Variants in OPCML observed in about 807,000 individuals in gnomAD.
OPCML encodes the protein opioid binding protein/cell adhesion molecule like, also known as opioid-binding protein/cell adhesion molecule.
A neutral mutation model predicts 37.8 loss-of-function variants in OPCML; 13 were observed. That is an observed-to-expected ratio of 0.34 (90% CI 0.22 to 0.55). The LOEUF (loss-of-function observed/expected upper bound fraction) is 0.55. Among genes scored for constraint, OPCML ranks in the 20% least tolerant of loss-of-function variants. The pLI, the probability that OPCML is intolerant of heterozygous loss-of-function variation, is 0.91. For missense variants in OPCML, 341 were observed against 435.6 expected, an observed-to-expected ratio of 0.78 and a Z score of 1.93; for synonymous variants, 176 against 168.8, an observed-to-expected ratio of 1.04 and a Z score of -0.33.
At chr11:132,789,931 TG>T (rs1937783188) in intron 2 of OPCML, among the ~76,000 whole-genome samples, 1 of 152,198 alleles carries the variant, frequency 6.6e-6, no homozygotes, top group South Asian at 2.1e-4. Context: ...AGCTGTATCC[TG>T]GACATTATTT....
At chr11:132,441,544 A>G (rs2096035598) in intron 4 of OPCML, among the ~76,000 whole-genome samples, 1 of 152,174 alleles carries the variant, frequency 6.6e-6, no homozygotes. Context: ...TCTGCTCAAC[A>G]GTTTTGCTTT....
intron 4 of OPCML, among the ~76,000 whole-genome samples, chr11:132,451,836 A>G (rs1051547918): frequency 1.3e-5 from 2 of 152,190 alleles, no homozygotes; most frequent in Non-Finnish European, 2.9e-5. Flanking sequence ...GCAGTTCCTT[A>G]TGGGTCTCAG....
At chr11:132,613,473 C>T (rs976456341) in intron 3 of OPCML, among the ~76,000 whole-genome samples, 1 of 152,178 alleles carries the variant, frequency 6.6e-6, no homozygotes, top group African/African-American at 2.4e-5. Context: ...TTTTATATAC[C>T]TAAGCATTCA....
chr11:132,547,500 C>A (rs1164224159), intron 3 of OPCML, among the ~76,000 whole-genome samples: 1 of 151,974 alleles, frequency 6.6e-6, no homozygotes, highest in South Asian at 2.1e-4. Flanking sequence ...GAGGCAGAGT[C>A]TGGAAAAGTG....
chr11:133,054,774 C>G (rs1591956191), intron 1 of OPCML, among the ~76,000 whole-genome samples: 1 of 152,328 alleles, frequency 6.6e-6, no homozygotes, highest in East Asian at 1.9e-4. Flanking sequence ...GTGGCGAGAT[C>G]CTGTGAAGGA....
chr11:133,186,352 TGC>T (rs1393581334), intron 1 of OPCML, among the ~76,000 whole-genome samples: 1 of 152,192 alleles, frequency 6.6e-6, no homozygotes, highest in Admixed American at 6.5e-5. Context: ...CAGTCTGAGA[TGC>T]TTATTGATTT....
At chr11:133,243,866 T>A (rs975704982) in intron 1 of OPCML, among the ~76,000 whole-genome samples, 2 of 152,230 alleles carry the variant, frequency 1.3e-5, no homozygotes, top group African/African-American at 4.8e-5. Flanking sequence ...GGGGACCTCT[T>A]GGAGCCAGGG....
chr11:133,321,639 G>A (rs557772004), intron 1 of OPCML, among the ~76,000 whole-genome samples: 1 of 152,230 alleles, frequency 6.6e-6, no homozygotes, highest in South Asian at 2.1e-4. Context: ...CATAAAATCA[G>A]GCTTTTCAAT....
chr11:132,799,757 CA>C (rs1938537223), intron 2 of OPCML, among the ~76,000 whole-genome samples: 1 of 151,754 alleles, frequency 6.6e-6, no homozygotes, highest in African/African-American at 2.4e-5. Context: ...GTGATATCTG[CA>C]AAGCTCAGTA....
chr11:133,227,083 G>C (rs1231725809), intron 1 of OPCML, among the ~76,000 whole-genome samples: 3 of 152,186 alleles, frequency 2.0e-5, no homozygotes, highest in African/African-American at 7.2e-5. Flanking sequence ...TCGTGTTAGG[G>C]GGGGGTGCTG....
At chr11:132,546,007 T>C (rs1010992043) in intron 3 of OPCML, among the ~76,000 whole-genome samples, 3 of 152,256 alleles carry the variant, frequency 2.0e-5, no homozygotes, top group Admixed American at 6.5e-5. Flanking sequence ...CTTACCATTG[T>C]TCCAATCCAC....
chr11:133,220,995 T>C (rs963583259), intron 1 of OPCML, among the ~76,000 whole-genome samples: 1 of 152,160 alleles, frequency 6.6e-6, no homozygotes, highest in African/African-American at 2.4e-5. Flanking sequence ...GAAATGAAAA[T>C]CTAAAATAAT....
intron 2 of OPCML, among the ~76,000 whole-genome samples, chr11:132,838,322 G>A (rs1277658062): frequency 6.6e-6 from 1 of 152,184 alleles, no homozygotes; most frequent in African/African-American, 2.4e-5. Flanking sequence ...AGTATATTCT[G>A]CGAAGAAAAT....
At chr11:132,988,311 C>T (rs1205070683) in intron 1 of OPCML, among the ~76,000 whole-genome samples, 1 of 152,194 alleles carries the variant, frequency 6.6e-6, no homozygotes, top group Non-Finnish European at 1.5e-5. Context: ...TGCTAATTTA[C>T]TCCATCATTT....
intron 2 of OPCML, among the ~76,000 whole-genome samples, chr11:132,796,917 A>G (rs966353109): frequency 3.3e-5 from 5 of 152,078 alleles, no homozygotes; most frequent in Non-Finnish European, 5.9e-5. Context: ...ACATCTTTGG[A>G]CAAATATCTA....
chr11:133,155,111 T>TGGAGGA lies in OPCML; in HGVS notation c.62-212107_62-212102dup, dbSNP rs1318815622. 3.6e-4 allele frequency among the ~76,000 whole-genome samples: 55 copies of TGGAGGA among 152,224 alleles called. 1 individual carries two copies. The highest frequency in any genetic ancestry group is 4.4e-5 in the Non-Finnish European group (3 of 68,014). ...GTCTCTTAATGCCAGAGCAGAGAAC[T>TGGAGGA]GGAGGAGGAGGAGGAAATACTTGCT... On this transcript the variant is annotated intron_variant, in intron 1 of 7. Coordinates refer to ENST00000524381, the MANE Select transcript of OPCML (RefSeq NM_001012393.5).
At chr11:133,346,134 T>C (rs1943996420) in intron 1 of OPCML, among the ~76,000 whole-genome samples, 1 of 152,222 alleles carries the variant, frequency 6.6e-6, no homozygotes, top group South Asian at 2.1e-4. Flanking sequence ...TCCTGATAAT[T>C]TGGCATACAC....
At chr11:133,227,124 C>T (rs1940074944) in intron 1 of OPCML, among the ~76,000 whole-genome samples, 1 of 152,218 alleles carries the variant, frequency 6.6e-6, no homozygotes, top group East Asian at 1.9e-4. Context: ...TGCACACCCT[C>T]TGTGCTGCTG....
intron 2 of OPCML, among the ~76,000 whole-genome samples, chr11:132,730,183 T>G (rs1945030013): frequency 6.6e-6 from 1 of 151,934 alleles, no homozygotes. Context: ...TAGCTAATTT[T>G]TTTTGTATTT....
Sources: allele counts gnomAD v4.1 joint callset (sites outside exome capture counted in the v4.1 genomes callset), GRCh38; gene constraint gnomAD v4.1.1; transcripts MANE v1.5; gene names NCBI Gene and HGNC (gene_info 2026-07-23, HGNC 2026-07-21).